Variants in CDC73 observed in about 807,000 individuals in gnomAD.
CDC73 encodes parafibromin.
Under a neutral mutation model 83.7 loss-of-function variants are expected in CDC73, and 21 were observed. The observed-to-expected ratio is 0.25, with a 90% CI of 0.18 to 0.36. The LOEUF is 0.36. Ranked by LOEUF, CDC73 falls within the 10% of genes least tolerant of loss-of-function variation. The pLI, the probability that CDC73 is intolerant of heterozygous loss-of-function variation, is 1.00. For missense variants in CDC73, 342 were observed against 653.3 expected, an observed-to-expected ratio of 0.52 and a Z score of 5.19; for synonymous variants, 224 against 212.9, an observed-to-expected ratio of 1.05 and a Z score of -0.45.
At chr1:193,226,756 C>T (rs913816032) in intron 13 of CDC73, among the ~76,000 whole-genome samples, 2 of 152,070 alleles carry the variant, frequency 1.3e-5, no homozygotes, top group African/African-American at 4.8e-5. Flanking sequence ...CTGTGTTCAT[C>T]AGGGATGTTG....
chr1:193,241,848 G>T (rs540347614), intron 15 of CDC73, among the ~76,000 whole-genome samples: 29 of 152,308 alleles, frequency 1.9e-4, no homozygotes, highest in African/African-American at 6.5e-4. Context: ...CCTCCAGGTC[G>T]CAGGCAGGGG....
intron 10 of CDC73, among the ~76,000 whole-genome samples, chr1:193,198,814 T>C (rs545576895): frequency 1.7e-4 from 26 of 152,364 alleles, no homozygotes; most frequent in African/African-American, 6.3e-4. Flanking sequence ...TTCTGCTTAC[T>C]AGGCATGTGA....
intron 11 of CDC73, among the ~76,000 whole-genome samples, chr1:193,210,437 A>G (rs1030366901): frequency 7.9e-5 from 12 of 152,262 alleles, no homozygotes; most frequent in Non-Finnish European, 1.6e-4. Flanking sequence ...AAACTCAAGC[A>G]CAGCTTGTAG....
intron 10 of CDC73, among the ~76,000 whole-genome samples, chr1:193,162,217 A>C (rs1349988739): frequency 1.6e-5 from 2 of 122,798 alleles, no homozygotes; most frequent in African/African-American, 6.5e-5. Context: ...TATATATTAT[A>C]TATTATCTAT....
intron 7 of CDC73, among the ~76,000 whole-genome samples, chr1:193,147,207 T>G (rs1482930108): frequency 6.6e-6 from 1 of 151,648 alleles, no homozygotes; most frequent in East Asian, 1.9e-4. Context: ...TTAGCCAGAA[T>G]GGCCTCAATC....
chr1:193,151,853 AG>A (rs1156935714), intron 9 of CDC73, among the ~76,000 whole-genome samples: 1 of 152,012 alleles, frequency 6.6e-6, no homozygotes, highest in African/African-American at 2.4e-5. Context: ...GAACCTGTGG[AG>A]GGGGGATGGG....
intron 2 of CDC73, among the ~76,000 whole-genome samples, chr1:193,126,152 T>C (rs929180509): frequency 6.6e-6 from 1 of 152,190 alleles, no homozygotes. Context: ...GAAAAACTTG[T>C]AAGCCTGTGG....
At chr1:193,233,268 C>T in intron 14 of CDC73, 114 bp downstream of exon 14, 1 of 936,512 alleles carries the variant, frequency 1.1e-6, no homozygotes. Flanking sequence ...ACTATGTTGC[C>T]TAGGCAGAAC....
rs141681931 is a variant in CDC73, at chr1:193,212,368, C to T, written c.1067-22C>T. The T allele has an allele frequency of 4.1e-4, 555 of 1,364,646 alleles. 1 individual carries two copies. In the African/African-American group the frequency reaches 7.3e-3, roughly 18 times the overall value. The allele number at this position is 1,364,646 out of a possible 1,614,324, so 84.5% of individuals were successfully genotyped here. On this transcript the variant is annotated intron_variant, in intron 12 of 16. Coordinates refer to ENST00000367435, the MANE Select transcript of CDC73 (RefSeq NM_024529.5). ...ATAATTTCTAATAATATATTTTCTACCTGTAAATTTTGTCTTTATAGGATC... is the reference window on the plus strand; with the variant it reads ...ATAATTTCTAATAATATATTTTCTATCTGTAAATTTTGTCTTTATAGGATC...
At chr1:193,187,924 C>T (rs1308915266) in intron 10 of CDC73, among the ~76,000 whole-genome samples, 2 of 152,198 alleles carry the variant, frequency 1.3e-5, no homozygotes, top group Non-Finnish European at 2.9e-5. Flanking sequence ...TAAAACCCAA[C>T]TTCCTTGTAG....
At chr1:193,180,736 T>C in intron 10 of CDC73, 2 of 1,614,066 alleles carry the variant, frequency 1.2e-6, no homozygotes, top group Non-Finnish European at 8.5e-7. Flanking sequence ...AGTGAAATAG[T>C]TATGTCTGGG....
At chr1:193,159,217 T>A (rs1040282797) in intron 10 of CDC73, among the ~76,000 whole-genome samples, 4 of 152,182 alleles carry the variant, frequency 2.6e-5, no homozygotes, top group African/African-American at 7.2e-5. Flanking sequence ...ATATTATGAT[T>A]TGTTGGCCTG....
intron 13 of CDC73, among the ~76,000 whole-genome samples, chr1:193,228,080 TTTG>T (rs1677594689): frequency 6.6e-6 from 1 of 152,232 alleles, no homozygotes; most frequent in Admixed American, 6.5e-5. Flanking sequence ...GGTCACATTC[TTTG>T]TTAAGTTTAA....
rs774804871 is a variant in CDC73 at position 193,181,405 on chromosome 1, G to A, written c.973-22390G>A. The stretch of plus-strand genomic sequence containing the variant: ...TGTCACAGGGTTTTCTTTGAATCCA[G>A]CTCTGCCTGGCAGCCAGTCATGATG... On this transcript the variant is annotated intron_variant, in intron 10 of 16. Coordinates refer to ENST00000367435, the MANE Select transcript of CDC73 (RefSeq NM_024529.5). 22 of 1,613,896 alleles carry A rather than the reference G, an allele frequency of 1.4e-5. No individual in the cohort carries two copies. In the Admixed American group the frequency reaches 3.7e-4, roughly 27 times the overall value.
intron 10 of CDC73, among the ~76,000 whole-genome samples, chr1:193,171,903 T>G (rs1676523579): frequency 6.6e-6 from 1 of 152,114 alleles, no homozygotes; most frequent in South Asian, 2.1e-4. Context: ...TTTATGAATT[T>G]TTGGTTGCTT....
At chr1:193,223,535 G>A (rs961748619) in intron 13 of CDC73, among the ~76,000 whole-genome samples, 1 of 152,140 alleles carries the variant, frequency 6.6e-6, no homozygotes, top group Non-Finnish European at 1.5e-5. Flanking sequence ...TAGGGTTGGG[G>A]TTGTTGGGGA....
At chr1:193,172,546 A>C (rs1489714794) in intron 10 of CDC73, among the ~76,000 whole-genome samples, 1 of 152,156 alleles carries the variant, frequency 6.6e-6, no homozygotes, top group South Asian at 2.1e-4. Context: ...AGTTCATCCC[A>C]GTTAACATAA....
chr1:193,243,483 A>G (rs947057093), intron 15 of CDC73, among the ~76,000 whole-genome samples: 1 of 152,212 alleles, frequency 6.6e-6, no homozygotes, highest in Non-Finnish European at 1.5e-5. Flanking sequence ...ATCAATAAAG[A>G]TGAAATCTGT....
At chr1:193,242,837 T>C (rs2102067797) in intron 15 of CDC73, among the ~76,000 whole-genome samples, 1 of 152,334 alleles carries the variant, frequency 6.6e-6, no homozygotes. Context: ...ATTCATGAAG[T>C]TTGCAAAAAC....
Sources: allele counts gnomAD v4.1 joint callset (sites outside exome capture counted in the v4.1 genomes callset), GRCh38; gene constraint gnomAD v4.1.1; transcripts MANE v1.5; gene names NCBI Gene and HGNC (gene_info 2026-07-23, HGNC 2026-07-21).